ATRN: variants seen among roughly 807,000 people sequenced by gnomAD.
The protein encoded by ATRN is attractin.
ATRN carries 54 observed loss-of-function variants against 178.7 expected under a neutral mutation model. That is an observed-to-expected ratio of 0.30 (90% CI 0.24 to 0.38). ATRN has a LOEUF of 0.38. Among genes scored for constraint, ATRN ranks in the 10% least tolerant of loss-of-function variants. The pLI, the probability that ATRN is intolerant of heterozygous loss-of-function variation, is 1.00. For missense variants in ATRN, 1,443 were observed against 1,815.1 expected (o/e 0.79, Z 3.73); for synonymous variants, 636 against 663.0 (o/e 0.96, Z 0.63).
intron 1 of ATRN, among the ~76,000 whole-genome samples, chr20:3,473,874 G>A (rs2084471062): frequency 6.6e-6 from 1 of 152,210 alleles, no homozygotes; most frequent in Non-Finnish European, 1.5e-5. Context: ...AGAGCTTGTA[G>A]AGGTGAAATG....
intron 28 of ATRN, among the ~76,000 whole-genome samples, chr20:3,644,889 A>G (rs1225680954): frequency 1.3e-5 from 2 of 152,160 alleles, no homozygotes; most frequent in East Asian, 3.8e-4. Context: ...CTGGCCAGCA[A>G]TTTAGTTGAA....
In ATRN at chr20:3,629,437, C is replaced by T. The variant is rs1167751468; in HGVS notation, c.3863+4865C>T. On this transcript the variant is annotated intron_variant, in intron 25 of 28. Coordinates refer to ENST00000262919, the MANE Select transcript of ATRN (RefSeq NM_139321.3). ...TACATGCTTATCCCATTTTCTGGAACACTCTTCTCACTACCCTTCATTCTG... is the reference window on the plus strand; with the variant it reads ...TACATGCTTATCCCATTTTCTGGAATACTCTTCTCACTACCCTTCATTCTG... 1.7e-5 allele frequency: 7 copies of T among 401,108 alleles called. No homozygotes were observed. In the Admixed American group the frequency reaches 4.5e-4, roughly 26 times the overall value. The allele number at this position is 401,108 out of a possible 1,614,324, so 24.8% of individuals were successfully genotyped here.
chr20:3,475,031 CAAAA>C (rs1189030441), intron 1 of ATRN, among the ~76,000 whole-genome samples: 3 of 55,796 alleles, frequency 5.4e-5, no homozygotes, highest in East Asian at 5.6e-4. Context: ...GACTCCATCT[CAAAA>C]AAAAAAAAAA....
intron 1 of ATRN, among the ~76,000 whole-genome samples, chr20:3,479,694 A>G (rs1258124797): frequency 1.3e-5 from 2 of 152,230 alleles, no homozygotes; most frequent in Non-Finnish European, 2.9e-5. Flanking sequence ...CCTGCAATCA[A>G]GGTACTGGCA....
At chr20:3,541,028 T>A in intron 3 of ATRN, among the ~76,000 whole-genome samples, 1 of 151,652 alleles carries the variant, frequency 6.6e-6, no homozygotes, top group Non-Finnish European at 1.5e-5. Context: ...TTTGGCCACA[T>A]TGGAATTCAA....
At position 3,591,156 on chromosome 20, in the gene ATRN, C is replaced by CT. The variant is rs1156584595; in HGVS notation, c.3185-8dup. The CT allele has an allele frequency of 3.7e-6, 6 of 1,613,510 alleles. 1 individual carries two copies. Among genetic ancestry groups the CT allele is most frequent in the Admixed American group, 1.7e-5 (1 of 59,990 alleles). On this transcript the variant is annotated splice_polypyrimidine_tract_variant and intron_variant, in intron 18 of 28. Coordinates refer to ENST00000262919, the MANE Select transcript of ATRN (RefSeq NM_139321.3). ...TCCATGGTACAGACCCCTTGAAACT[C>CT]TTTTTCTTGCAGCTTGCCAATGCAA...
chr20:3,602,197 G>A (rs1190293674), intron 23 of ATRN, among the ~76,000 whole-genome samples: 1 of 151,696 alleles, frequency 6.6e-6, no homozygotes, highest in Admixed American at 6.6e-5. Flanking sequence ...AGGCGTGGAG[G>A]CACGTGCCTG....
chr20:3,624,922 C>T (rs2086925140), intron 25 of ATRN, among the ~76,000 whole-genome samples: 1 of 152,176 alleles, frequency 6.6e-6, no homozygotes, highest in African/African-American at 2.4e-5. Flanking sequence ...GTGAGCTACA[C>T]ATATGCTTAT....
intron 4 of ATRN, among the ~76,000 whole-genome samples, chr20:3,546,693 A>G (rs1361815169): frequency 6.6e-6 from 1 of 151,898 alleles, no homozygotes; most frequent in Non-Finnish European, 1.5e-5. Flanking sequence ...GCCTGGCCAT[A>G]GTTCAATTCT....
intron 24 of ATRN, among the ~76,000 whole-genome samples, chr20:3,612,251 TGAAAAA>T (rs1319801146): frequency 1.3e-5 from 2 of 152,348 alleles, no homozygotes; most frequent in South Asian, 4.1e-4. Flanking sequence ...TTTTGCTGAT[TGAAAAA>T]GAAAATCTTA....
Position 3,582,339 on chromosome 20 carries a change from G to A in ATRN, c.2749G>A (p.Val917Ile). ...ATCINPLNGS[V>I]CERPANHSAK... ...CTGCATCAACCCACTCAATGGTAGT[G>A]TCTGTGAAAGGCCTGGTAAGTTCAC... The change falls in exon 16 of 29, where the codon GTC becomes ATC. Residue 917 changes from valine to isoleucine, a missense_variant. This residue lies in a region of ATRN where 212 missense variants were observed against 330.7 expected (regional missense o/e 0.64). Transcript: ENST00000262919. 3 of 1,612,226 alleles carry A rather than the reference G, an allele frequency of 1.9e-6. No individual in the cohort carries two copies. Among genetic ancestry groups the A allele is most frequent in the Admixed American group, 1.7e-5 (1 of 60,026 alleles).
At chr20:3,591,424 T>C in intron 19 of ATRN, 118 bp downstream of exon 19, 1 of 1,244,246 alleles carries the variant, frequency 8.0e-7, no homozygotes, top group Non-Finnish European at 1.1e-6. Context: ...CATTTCTTAT[T>C]AAATCATACT....
In ATRN at chr20:3,581,936, G is replaced by A. The variant is rs1030638081; in HGVS notation, c.2545-199G>A. On this transcript the variant is annotated intron_variant, in intron 15 of 28. Coordinates refer to ENST00000262919, the MANE Select transcript of ATRN (RefSeq NM_139321.3). ...GGTTTTTATCTAGAAGCTTGTTTTG[G>A]TCAAGATGTTGGTTATATTCAGGCC... is the stretch of plus-strand genomic sequence containing the variant. 9.9e-5 allele frequency among the ~76,000 whole-genome samples: 15 copies of A among 152,140 alleles called. 1 individual carries two copies. In the South Asian group the frequency reaches 3.1e-3, roughly 32 times the overall value.
chr20:3,572,008 A>G (rs2086133094), intron 11 of ATRN, among the ~76,000 whole-genome samples: 1 of 152,126 alleles, frequency 6.6e-6, no homozygotes, highest in Admixed American at 6.6e-5. Context: ...AAATAGATTC[A>G]ATTTTATTTT....
chr20:3,492,968 C>A (rs1431702106), intron 1 of ATRN, among the ~76,000 whole-genome samples: 1 of 143,146 alleles, frequency 7.0e-6, no homozygotes, highest in Non-Finnish European at 1.5e-5. Flanking sequence ...ATATAATATA[C>A]TATATAGATA....
Position 3,643,347 on chromosome 20 carries a change from A to G in ATRN, c.4051-807A>G, listed in dbSNP as rs545678102. On this transcript the variant is annotated intron_variant, in intron 27 of 28. Transcript: ENST00000262919. ...GAGATAATAAGTGGGTGTTGTTTTAAGCAACTAAGTTTGCAGTAGTTTGTT... is the reference window on the plus strand; with the variant it reads ...GAGATAATAAGTGGGTGTTGTTTTAGGCAACTAAGTTTGCAGTAGTTTGTT... 9.2e-5 allele frequency among the ~76,000 whole-genome samples: 14 copies of G among 152,276 alleles called. No homozygotes were observed. The South Asian group carries it at 2.7e-3, about 29-fold the overall frequency.
intron 1 of ATRN, among the ~76,000 whole-genome samples, chr20:3,488,368 G>T (rs2084727434): frequency 6.6e-6 from 1 of 151,888 alleles, no homozygotes; most frequent in African/African-American, 2.4e-5. Context: ...AAGAGTGTGT[G>T]TGTGTGGTGC....
intron 1 of ATRN, among the ~76,000 whole-genome samples, chr20:3,482,396 T>G (rs1320319048): frequency 6.6e-6 from 1 of 152,232 alleles, no homozygotes; most frequent in African/African-American, 2.4e-5. Context: ...AAATATGTGC[T>G]TTCACAATTA....
At chr20:3,534,639 A>G (rs2085498539) in intron 1 of ATRN, among the ~76,000 whole-genome samples, 1 of 152,210 alleles carries the variant, frequency 6.6e-6, no homozygotes, top group Non-Finnish European at 1.5e-5. Flanking sequence ...TGATGAAGGA[A>G]ATAGCGTCCT....
Sources: allele counts gnomAD v4.1 joint callset (sites outside exome capture counted in the v4.1 genomes callset), GRCh38; gene constraint gnomAD v4.1.1; regional missense constraint gnomAD v4.1.1; transcripts MANE v1.5; gene names NCBI Gene and HGNC (gene_info 2026-07-23, HGNC 2026-07-21).